The following TANC2 variants were observed in gnomAD, a reference collection of about 807,000 sequenced individuals.
The protein encoded by TANC2 is tetratricopeptide repeat, ankyrin repeat and coiled-coil containing 2.
TANC2 carries 26 observed loss-of-function variants against 210.5 expected under a neutral mutation model. The ratio of observed to expected loss-of-function variants is 0.12; its 90% CI spans 0.09 to 0.17. TANC2 has a LOEUF of 0.17. Among genes scored for constraint, TANC2 ranks in the 10% least tolerant of loss-of-function variants. The probability of loss-of-function intolerance (pLI) is 1.00; values close to 1 mark genes in which losing one functional copy is unlikely to be tolerated. For missense variants in TANC2, 2,129 were observed against 2,608.9 expected (o/e 0.82, Z 4.01); for synonymous variants, 931 against 967.1 (o/e 0.96, Z 0.69).
chr17:63,350,847 T>A (rs1302538904), intron 12 of TANC2, among the ~76,000 whole-genome samples: 3 of 142,858 alleles, frequency 2.1e-5, no homozygotes, highest in African/African-American at 7.9e-5. Flanking sequence ...GAACATATGA[T>A]ACTATTCTCT....
intron 11 of TANC2, among the ~76,000 whole-genome samples, chr17:63,319,709 A>G (rs1430447216): frequency 6.6e-6 from 1 of 152,178 alleles, no homozygotes; most frequent in Admixed American, 6.5e-5. Flanking sequence ...TTAAATTTTC[A>G]TTCCTAGCTT....
intron 2 of TANC2, among the ~76,000 whole-genome samples, chr17:63,072,214 G>A (rs1446478548): frequency 6.6e-6 from 1 of 152,046 alleles, no homozygotes; most frequent in Non-Finnish European, 1.5e-5. Context: ...ATTTGAGTTG[G>A]CCCAGTTGAA....
chr17:63,050,132 A>G (rs909627818), intron 2 of TANC2, among the ~76,000 whole-genome samples: 1 of 152,116 alleles, frequency 6.6e-6, no homozygotes, highest in Non-Finnish European at 1.5e-5. Context: ...TGTGTGGACC[A>G]CTTCAGCCCA....
rs180945144 is a variant in TANC2, at chr17:63,107,760, G to A, written c.322+8403G>A. Reference sequence around the variant, plus strand: ...GCAGTTATATGAAATGTCCAGAATAGGCAAGTAATCTATAGAGACAGAATG... The same window carrying A: ...GCAGTTATATGAAATGTCCAGAATAAGCAAGTAATCTATAGAGACAGAATG... On this transcript the variant is annotated intron_variant, in intron 4 of 27. Transcript: ENST00000689528. 2.2e-4 allele frequency among the ~76,000 whole-genome samples: 34 copies of A among 151,750 alleles called. 1 individual carries two copies. Among genetic ancestry groups the A allele is most frequent in the Admixed American group, 1.8e-3 (28 of 15,284 alleles).
chr17:63,172,183 CTTTTCTTTT>C (rs2040425746), intron 5 of TANC2, among the ~76,000 whole-genome samples: 1 of 146,586 alleles, frequency 6.8e-6, no homozygotes, highest in African/African-American at 2.5e-5. Flanking sequence ...CTTTTTCTTT[CTTTTCTTTT>C]CTTTTTTTTT....
chr17:63,248,927 T>C (rs894729237), intron 8 of TANC2, among the ~76,000 whole-genome samples: 2 of 152,148 alleles, frequency 1.3e-5, no homozygotes, highest in African/African-American at 4.8e-5. Context: ...GGAAGAAATA[T>C]ATATAGTGAA....
chr17:63,080,295 A>AT (rs1188039769), intron 3 of TANC2, among the ~76,000 whole-genome samples: 1 of 151,986 alleles, frequency 6.6e-6, no homozygotes, highest in Non-Finnish European at 1.5e-5. Context: ...GCATTAAATG[A>AT]TTTTTTTCAT....
intron 1 of TANC2, among the ~76,000 whole-genome samples, chr17:62,983,568 C>T (rs1168681346): frequency 6.6e-6 from 1 of 151,994 alleles, no homozygotes; most frequent in Non-Finnish European, 1.5e-5. Context: ...AAACTTTGAG[C>T]TTTTACCCAT....
At chr17:63,227,525 G>A (rs532823467) in intron 7 of TANC2, among the ~76,000 whole-genome samples, 1 of 152,226 alleles carries the variant, frequency 6.6e-6, no homozygotes, top group African/African-American at 2.4e-5. Flanking sequence ...CAGATGGATA[G>A]ATTACAAAAA....
Position 63,037,668 on chromosome 17 carries a change from G to A in TANC2, c.67+28042G>A, listed in dbSNP as rs985805995. On this transcript the variant is annotated intron_variant, in intron 2 of 27. Transcript: ENST00000689528. ...GTCTCTACGAAAAATACAAAAATTA[G>A]CCAGGCATGCTGGCGGGCACCTGTA... Among the ~76,000 whole-genome samples, 7 of 152,104 alleles carry A rather than the reference G, an allele frequency of 4.6e-5. No individual in the cohort carries two copies. In the East Asian group the frequency reaches 1.4e-3, roughly 29 times the overall value.
At chr17:63,005,275 G>C (rs75693377) in intron 1 of TANC2, 2 of 152,060 alleles carry the variant, frequency 1.3e-5, no homozygotes, top group Non-Finnish European at 2.9e-5. Context: ...TTTCTGGACT[G>C]TCTGTTCTAT....
At chr17:63,049,422 G>A (rs932335786) in intron 2 of TANC2, among the ~76,000 whole-genome samples, 1 of 152,068 alleles carries the variant, frequency 6.6e-6, no homozygotes, top group African/African-American at 2.4e-5. Flanking sequence ...ATGATTGGGG[G>A]GACAGTTATG....
intron 7 of TANC2, among the ~76,000 whole-genome samples, chr17:63,233,531 T>C (rs980241717): frequency 1.3e-5 from 2 of 152,212 alleles, no homozygotes; most frequent in African/African-American, 4.8e-5. Flanking sequence ...TTTTCCTTGC[T>C]CTCCATGGCT....
At chr17:62,974,685 C>T (rs1323394614) in intron 1 of TANC2, among the ~76,000 whole-genome samples, 2 of 152,084 alleles carry the variant, frequency 1.3e-5, no homozygotes, top group African/African-American at 4.8e-5. Context: ...ATTTTTTCTA[C>T]CCCTGGGAAA....
At position 63,202,072 on chromosome 17, in the gene TANC2, A is replaced by G. The variant is rs2041552935; in HGVS notation, c.769+1115A>G. ...GCTCTTCTTATAGTTAGGTATGGAG[A>G]TAAGAAGAGTAGGGGAAGAACATAG... On this transcript the variant is annotated intron_variant, in intron 7 of 27. Coordinates refer to ENST00000689528, the Ensembl canonical transcript of TANC2. 4.6e-5 allele frequency among the ~76,000 whole-genome samples: 7 copies of G among 152,114 alleles called. No individual in the cohort carries two copies. In the South Asian group the frequency reaches 1.5e-3, roughly 32 times the overall value.
At chr17:63,047,157 G>A (rs1431098525) in intron 2 of TANC2, among the ~76,000 whole-genome samples, 1 of 152,164 alleles carries the variant, frequency 6.6e-6, no homozygotes, top group Non-Finnish European at 1.5e-5. Flanking sequence ...TACAGTAGTT[G>A]TTTTTCAGGT....
At chr17:63,151,208 CTCTT>C in intron 4 of TANC2, 58 bp from the exon 5 acceptor site, 1 of 788,632 alleles carries the variant, frequency 1.3e-6, no homozygotes, top group Non-Finnish European at 1.5e-6. Flanking sequence ...CCCTTCCTTT[CTCTT>C]TCTTTCTCTC....
chr17:63,153,062 T>C (rs2039711200), intron 5 of TANC2: 1 of 152,172 alleles, frequency 6.6e-6, no homozygotes, highest in Non-Finnish European at 1.5e-5. Context: ...GATTTGCTCA[T>C]CTCTAATCAA....
chr17:63,255,523 T>C (rs1441205115), intron 8 of TANC2, among the ~76,000 whole-genome samples: 1 of 152,216 alleles, frequency 6.6e-6, no homozygotes, highest in East Asian at 1.9e-4. Flanking sequence ...TTTGCATTTC[T>C]TCATAGTTCA....
Sources: allele counts gnomAD v4.1 joint callset (sites outside exome capture counted in the v4.1 genomes callset), GRCh38; gene constraint gnomAD v4.1.1; transcripts MANE v1.5; gene names NCBI Gene and HGNC (gene_info 2026-07-23, HGNC 2026-07-21).